Variants in DAB1 observed in about 807,000 individuals in gnomAD.
DAB1 encodes DAB adaptor protein 1.
DAB1 carries 15 observed loss-of-function variants against 64.6 expected under a neutral mutation model. That is an observed-to-expected ratio of 0.23 (90% CI 0.16 to 0.36). DAB1 has a LOEUF of 0.36. Among genes scored for constraint, DAB1 ranks in the 10% least tolerant of loss-of-function variants. The pLI, the probability that DAB1 is intolerant of heterozygous loss-of-function variation, is 1.00. For missense variants in DAB1, 596 were observed against 706.7 expected, an observed-to-expected ratio of 0.84 and a Z score of 1.78; for synonymous variants, 235 against 251.9, an observed-to-expected ratio of 0.93 and a Z score of 0.64.
chr1:58,126,071 T>TC (rs1653057631), intron 5 of DAB1, among the ~76,000 whole-genome samples: 1 of 152,148 alleles, frequency 6.6e-6, no homozygotes, highest in African/African-American at 2.4e-5. Context: ...TAACATTCTG[T>TC]CTCTATGAAA....
At chr1:57,735,616 T>G (rs951676539) in intron 6 of DAB1, among the ~76,000 whole-genome samples, 8 of 133,768 alleles carry the variant, frequency 6.0e-5, no homozygotes, top group African/African-American at 1.8e-4. Context: ...CTTGTTTTTT[T>G]TTTTTTTTTT....
chr1:58,464,180 T>C (rs1645272350), intron 3 of DAB1, among the ~76,000 whole-genome samples: 1 of 152,196 alleles, frequency 6.6e-6, no homozygotes, highest in East Asian at 1.9e-4. Context: ...TGTTGTTTAA[T>C]TAGAGATGTT....
intron 6 of DAB1, among the ~76,000 whole-genome samples, chr1:57,809,989 C>T (rs562470628): frequency 6.6e-6 from 1 of 152,278 alleles, no homozygotes; most frequent in African/African-American, 2.4e-5. Flanking sequence ...TTGCACAACA[C>T]CTGTACCAAG....
intron 3 of DAB1, among the ~76,000 whole-genome samples, chr1:58,347,806 C>T (rs1409539949): frequency 3.7e-5 from 3 of 82,146 alleles, no homozygotes; most frequent in African/African-American, 5.6e-5. Context: ...GAAAGAGAAG[C>T]TAACTATTTC....
chr1:58,504,115 A>T (rs1441464294), intron 3 of DAB1, among the ~76,000 whole-genome samples: 7 of 152,188 alleles, frequency 4.6e-5, no homozygotes, highest in Non-Finnish European at 1.0e-4. Context: ...AGTGATCACA[A>T]TAAAACATGA....
At chr1:57,854,303 T>C (rs543531764) in intron 1 of DAB1, among the ~76,000 whole-genome samples, 1 of 152,290 alleles carries the variant, frequency 6.6e-6, no homozygotes, top group Admixed American at 6.5e-5. Context: ...TCAGAATGAA[T>C]GAGCATGAGA....
intron 2 of DAB1, among the ~76,000 whole-genome samples, chr1:58,508,244 A>C (rs1330677688): frequency 6.6e-6 from 1 of 152,204 alleles, no homozygotes; most frequent in Non-Finnish European, 1.5e-5. Flanking sequence ...ACCCAGTTCA[A>C]AGAGCCACTA....
chr1:58,262,322 C>T (rs932082123), intron 4 of DAB1, among the ~76,000 whole-genome samples: 1 of 152,112 alleles, frequency 6.6e-6, no homozygotes, highest in Non-Finnish European at 1.5e-5. Context: ...GTCCTGTGTT[C>T]CTGAAGGATT....
Position 58,395,614 on chromosome 1 carries a change from A to G in DAB1, n.258-52211T>C, listed in dbSNP as rs116207326. On this transcript the variant is annotated intron_variant and non_coding_transcript_variant, in intron 3 of 20. Transcript: ENST00000485760. ...CAGGGAGGAAAAAGGCAGAAAAGGG[A>G]AGACAAAGCTGGCAAGCAAGAGCAA... Among the ~76,000 whole-genome samples the G allele has an allele frequency of 8.0e-3, 1,224 of 152,340 alleles. 11 individuals carry two copies. Among genetic ancestry groups the G allele is most frequent in the African/African-American group, 0.028 (1,165 of 41,578 alleles).
At chr1:58,539,250 A>C in intron 1 of DAB1, 2 of 869,690 alleles carry the variant, frequency 2.3e-6, no homozygotes, top group African/African-American at 3.3e-5. Context: ...ATCGGAAGAA[A>C]ACATGGTTTC....
At chr1:57,776,941 C>T (rs1649829098) in intron 6 of DAB1, among the ~76,000 whole-genome samples, 1 of 151,784 alleles carries the variant, frequency 6.6e-6, no homozygotes, top group Non-Finnish European at 1.5e-5. Context: ...TCAGCAGATA[C>T]AATTTTCCTT....
intron 4 of DAB1, among the ~76,000 whole-genome samples, chr1:58,186,042 A>T (rs1208166473): frequency 6.6e-6 from 1 of 152,240 alleles, no homozygotes; most frequent in African/African-American, 2.4e-5. Flanking sequence ...CAGTCATGTG[A>T]CATAATTCTC....
intron 2 of DAB1, among the ~76,000 whole-genome samples, chr1:57,228,129 C>A (rs541520472): frequency 6.6e-6 from 1 of 152,306 alleles, no homozygotes; most frequent in South Asian, 2.1e-4. Context: ...GAACACAGTA[C>A]CTGCTCAATA....
chr1:58,389,047 T>C (rs981112998), intron 3 of DAB1, among the ~76,000 whole-genome samples: 1 of 152,344 alleles, frequency 6.6e-6, no homozygotes, highest in East Asian at 1.9e-4. Flanking sequence ...GACAGCCTAA[T>C]AGCAGTCCAA....
intron 5 of DAB1, among the ~76,000 whole-genome samples, chr1:57,950,625 CA>C (rs35413511): frequency 0.14 from 21,603 of 152,054 alleles, 2,149 homozygotes; most frequent in African/African-American, 0.28. Flanking sequence ...TTATGGTTCC[CA>C]AAACATATAC....
intron 4 of DAB1, among the ~76,000 whole-genome samples, chr1:58,213,683 G>A (rs937469134): frequency 4.6e-5 from 7 of 152,274 alleles, no homozygotes; most frequent in African/African-American, 1.4e-4. Flanking sequence ...TAGGGACATA[G>A]CCAAACCATA....
chr1:58,374,297 G>GT (rs1644301549), intron 3 of DAB1, among the ~76,000 whole-genome samples: 1 of 123,060 alleles, frequency 8.1e-6, no homozygotes, highest in Non-Finnish European at 1.7e-5. Context: ...TTCTTCTAGG[G>GT]TTTTTATGGT....
intron 5 of DAB1, among the ~76,000 whole-genome samples, chr1:57,911,476 T>A (rs1212901470): frequency 1.3e-5 from 2 of 152,184 alleles, no homozygotes; most frequent in Non-Finnish European, 2.9e-5. Context: ...TCCAGCATCA[T>A]TTGGCAGTTT....
chr1:57,174,799 G>A (rs74701467), intron 2 of DAB1, among the ~76,000 whole-genome samples: 2,461 of 152,076 alleles, frequency 0.016, 69 homozygotes, highest in African/African-American at 0.057. Flanking sequence ...TATGTTAGAC[G>A]CTTACTAAGA....
Sources: gnomAD v4.1 joint callset for allele counts (sites outside exome capture counted in the v4.1 genomes callset) on GRCh38, gnomAD v4.1.1 for gene constraint, MANE v1.5 for transcripts, NCBI Gene and HGNC (gene_info 2026-07-23, HGNC 2026-07-21) for gene names.